Variants in LARP1B observed in about 807,000 individuals in gnomAD.
LARP1B encodes the protein la-related protein 1B.
Under a neutral mutation model 114.2 loss-of-function variants are expected in LARP1B, and 76 were observed. That is an observed-to-expected ratio of 0.67 (90% CI 0.55 to 0.81). The LOEUF is 0.81. LARP1B is among the 30% of genes least tolerant of loss of function. The pLI is 0.00. For synonymous variants in LARP1B, 345 were observed against 348.0 expected (o/e 0.99, Z 0.10); for missense variants, 1,014 against 1,075.8 (o/e 0.94, Z 0.80).
Position 128,156,624 on chromosome 4 carries a change from C to A in LARP1B, c.1525-5570C>A, listed in dbSNP as rs189404398. 2.0e-3 allele frequency among the ~76,000 whole-genome samples: 299 copies of A among 151,990 alleles called. 2 individuals are homozygous for A. Among genetic ancestry groups the A allele is most frequent in the African/African-American group, 6.7e-3 (276 of 41,436 alleles). ...TTTACCCACCTAGAACACCAACTCA[C>A]CAGCCCCACTGCCAGCAGCAGCAGG... On this transcript the variant is annotated intron_variant, in intron 11 of 19. Coordinates refer to ENST00000326639, the MANE Select transcript of LARP1B (RefSeq NM_018078.4).
chr4:128,075,305 C>T (rs1767385294), intron 3 of LARP1B, among the ~76,000 whole-genome samples: 1 of 151,964 alleles, frequency 6.6e-6, no homozygotes. Flanking sequence ...TTTTGCTGGT[C>T]TCCAACTCCT....
At chr4:128,189,835 C>T (rs1283164010) in intron 15 of LARP1B, among the ~76,000 whole-genome samples, 1 of 152,192 alleles carries the variant, frequency 6.6e-6, no homozygotes, top group East Asian at 1.9e-4. Flanking sequence ...TCAACTCCAT[C>T]CTCCCACATT....
intron 11 of LARP1B, among the ~76,000 whole-genome samples, chr4:128,157,068 C>T (rs900400209): frequency 2.6e-5 from 4 of 151,600 alleles, no homozygotes; most frequent in African/African-American, 9.7e-5. Flanking sequence ...AAAGAAACAA[C>T]AGGAAATAGA....
chr4:128,209,720 CAAAA>C (rs11293327), intron 19 of LARP1B, 132 bp from the exon 20 acceptor site: 641 of 490,398 alleles, frequency 1.3e-3, no homozygotes, highest in Middle Eastern at 2.2e-3. Flanking sequence ...GAGACTCCAT[CAAAA>C]AAAAAAAAAA....
chr4:128,138,514 A>G (rs2150180300), intron 11 of LARP1B, among the ~76,000 whole-genome samples: 1 of 152,336 alleles, frequency 6.6e-6, no homozygotes, highest in East Asian at 1.9e-4. Flanking sequence ...ATTTCCAGAG[A>G]ATAGAGCTAA....
rs1217549880 is a variant in LARP1B, at chr4:128,209,888, A to G, written c.2580A>G (p.Arg860=). Reference sequence around the variant, plus strand: ...TTAGTGATGAATTTGGAAGAAAAAGACATTCCTCTACTTCTGGTGAGGAGA... The same window carrying G: ...TTAGTGATGAATTTGGAAGAAAAAGGCATTCCTCTACTTCTGGTGAGGAGA... ...PPISDEFGRK[R]HSSTSGEESN... Residue 860 remains arginine (R), a synonymous_variant, in exon 20 of 20, where the codon AGA becomes AGG. Coordinates refer to ENST00000326639, the MANE Select transcript of LARP1B (RefSeq NM_018078.4). 6.2e-7 allele frequency: 1 copy of G among 1,613,952 alleles called. No individual in the cohort carries two copies. Among genetic ancestry groups the G allele is most frequent in the Admixed American group, 1.7e-5 (1 of 59,994 alleles).
At chr4:128,176,123 CAT>C (rs1217470089) in intron 12 of LARP1B, among the ~76,000 whole-genome samples, 9 of 140,538 alleles carry the variant, frequency 6.4e-5, no homozygotes, top group East Asian at 4.0e-4. Flanking sequence ...TATATATACA[CAT>C]ATATGTGTGT....
At chr4:128,146,573 A>G (rs1218334094) in intron 11 of LARP1B, among the ~76,000 whole-genome samples, 1 of 152,208 alleles carries the variant, frequency 6.6e-6, no homozygotes, top group Non-Finnish European at 1.5e-5. Flanking sequence ...AAAGGTAATA[A>G]ATGAAAGAAC....
chr4:128,159,477 A>G (rs913606900), intron 11 of LARP1B, among the ~76,000 whole-genome samples: 12 of 152,310 alleles, frequency 7.9e-5, no homozygotes, highest in Admixed American at 4.6e-4. Flanking sequence ...TGATGGAATC[A>G]CACATTTCTT....
intron 11 of LARP1B, chr4:128,155,817 G>T: frequency 6.3e-7 from 1 of 1,586,558 alleles, no homozygotes; most frequent in East Asian, 2.2e-5. Context: ...TGGAAGATGA[G>T]AAATCAGGGC....
chr4:128,078,136 C>T (rs1227585329), intron 4 of LARP1B, among the ~76,000 whole-genome samples, 174 bp downstream of exon 4: 1 of 152,124 alleles, frequency 6.6e-6, no homozygotes, highest in East Asian at 1.9e-4. Flanking sequence ...AACTATTAGA[C>T]TTTCCTTTTT....
chr4:128,112,997 C>A (rs1259474718), intron 9 of LARP1B, among the ~76,000 whole-genome samples: 3 of 152,088 alleles, frequency 2.0e-5, no homozygotes, highest in Admixed American at 2.0e-4. Flanking sequence ...TGAAATGTGC[C>A]TTTCATTTAG....
rs897531306 is a variant in LARP1B, at chr4:128,210,649, A to G, written c.*596A>G. The G allele has an allele frequency of 8.0e-5, 76 of 954,240 alleles. No homozygotes were observed. The highest frequency in any genetic ancestry group is 9.1e-5 in the Non-Finnish European group (73 of 801,474). 59.1% of individuals were successfully genotyped at this position (954,240 alleles called of 1,614,324 possible). ...CTTTTTTTAAAACAAAAGTAGGAAT[A>G]TATAGTAAGATTGTAGTTACAATGA... is the stretch of plus-strand genomic sequence containing the variant. On this transcript the variant is annotated 3_prime_UTR_variant, in exon 20 of 20. Transcript: ENST00000326639.
At chr4:128,162,010 T>G in intron 11 of LARP1B, among the ~76,000 whole-genome samples, 184 bp from the exon 12 acceptor site, 1 of 152,170 alleles carries the variant, frequency 6.6e-6, no homozygotes, top group African/African-American at 2.4e-5. Flanking sequence ...GGGTGTTATA[T>G]GCCTCTTAGA....
At chr4:128,181,965 C>T (rs1380368296) in intron 15 of LARP1B, among the ~76,000 whole-genome samples, 1 of 151,786 alleles carries the variant, frequency 6.6e-6, no homozygotes, top group Non-Finnish European at 1.5e-5. Context: ...GCCACCACGC[C>T]TGGCTAACTT....
chr4:128,080,234 TG>T (rs2149442384), intron 4 of LARP1B, among the ~76,000 whole-genome samples: 1 of 151,516 alleles, frequency 6.6e-6, no homozygotes, highest in African/African-American at 2.4e-5. Flanking sequence ...CTGCCCGCCT[TG>T]GCTTCCCAAA....
chr4:128,094,932 G>T (rs1013795993), intron 7 of LARP1B, among the ~76,000 whole-genome samples: 5 of 151,852 alleles, frequency 3.3e-5, no homozygotes. Context: ...TGTATTTTTA[G>T]TAAAGTCGGG....
At chr4:128,155,484 G>A in intron 11 of LARP1B, 1 of 783,350 alleles carries the variant, frequency 1.3e-6, no homozygotes, top group Non-Finnish European at 2.3e-6. Flanking sequence ...AGGCAGCCCA[G>A]CAGAAGTTCC....
At chr4:128,189,930 T>G (rs1435732185) in intron 15 of LARP1B, among the ~76,000 whole-genome samples, 1 of 152,246 alleles carries the variant, frequency 6.6e-6, no homozygotes. Flanking sequence ...TAGATTTGTC[T>G]TTTAGTCTTC....
Sources: allele counts gnomAD v4.1 joint callset (sites outside exome capture counted in the v4.1 genomes callset), GRCh38; gene constraint gnomAD v4.1.1; transcripts MANE v1.5; gene names NCBI Gene and HGNC (gene_info 2026-07-23, HGNC 2026-07-21).